Variants in RBFOX1 observed in about 807,000 individuals in gnomAD.
RBFOX1 encodes the protein RNA binding fox-1 homolog 1.
A neutral mutation model predicts 57.7 loss-of-function variants in RBFOX1; 8 were observed. The observed-to-expected ratio is 0.14, with a 90% CI of 0.08 to 0.25. RBFOX1 has a LOEUF of 0.25. Ranked by LOEUF, RBFOX1 falls within the 10% of genes least tolerant of loss-of-function variation. The probability of loss-of-function intolerance (pLI) is 1.00; values close to 1 mark genes in which losing one functional copy is unlikely to be tolerated. For missense variants in RBFOX1, 611 were observed against 548.5 expected, an observed-to-expected ratio of 1.11 and a Z score of -1.14; for synonymous variants, 326 against 222.4, an observed-to-expected ratio of 1.47 and a Z score of -4.15.
chr16:6,711,638 C>T (rs981925872), intron 3 of RBFOX1, among the ~76,000 whole-genome samples: 2 of 152,126 alleles, frequency 1.3e-5, no homozygotes, highest in Non-Finnish European at 2.9e-5. Context: ...GTAAGTTTCT[C>T]GAGGCTTCCC....
At chr16:5,627,840 C>A (rs1316872605) in intron 3 of RBFOX1, among the ~76,000 whole-genome samples, 1 of 152,158 alleles carries the variant, frequency 6.6e-6, no homozygotes, top group African/African-American at 2.4e-5. Context: ...AAATACTGCA[C>A]CATTTCATAT....
chr16:5,720,887 T>A (rs1022734278), intron 3 of RBFOX1, among the ~76,000 whole-genome samples: 2 of 152,294 alleles, frequency 1.3e-5, no homozygotes, highest in Admixed American at 1.3e-4. Flanking sequence ...TTGTTCTTAG[T>A]TTTCAAGATT....
At chr16:6,893,777 A>T (rs532602510) in intron 3 of RBFOX1, among the ~76,000 whole-genome samples, 1 of 152,204 alleles carries the variant, frequency 6.6e-6, no homozygotes, top group African/African-American at 2.4e-5. Flanking sequence ...TCATCTGGTG[A>T]GAAGTATTCT....
intron 3 of RBFOX1, among the ~76,000 whole-genome samples, chr16:7,008,513 C>T (rs1412798671): frequency 1.3e-5 from 2 of 152,058 alleles, no homozygotes; most frequent in Non-Finnish European, 2.9e-5. Flanking sequence ...GCACTCCAGC[C>T]TGGGTGACAG....
At chr16:6,483,975 G>T in intron 2 of RBFOX1, 1 of 1,022,218 alleles carries the variant, frequency 9.8e-7, no homozygotes, top group Non-Finnish European at 1.2e-6. Flanking sequence ...CTCGCCCTGG[G>T]TGCCCCGTGG....
chr16:6,317,744 G>C (rs1056460934), intron 2 of RBFOX1, among the ~76,000 whole-genome samples: 1 of 152,082 alleles, frequency 6.6e-6, no homozygotes, highest in Non-Finnish European at 1.5e-5. Flanking sequence ...ATTTGGGGTA[G>C]CACCTTCACA....
chr16:5,292,159 G>A (rs191360281), intron 1 of RBFOX1, among the ~76,000 whole-genome samples: 134 of 152,310 alleles, frequency 8.8e-4, no homozygotes, highest in African/African-American at 3.1e-3. Context: ...ATTGCTGGGA[G>A]GGAGCTAAAT....
At chr16:5,835,127 C>G (rs962638745) in intron 3 of RBFOX1, among the ~76,000 whole-genome samples, 1 of 152,140 alleles carries the variant, frequency 6.6e-6, no homozygotes, top group African/African-American at 2.4e-5. Context: ...TAGGACCCCC[C>G]CCAGAAGTAT....
intron 4 of RBFOX1, among the ~76,000 whole-genome samples, chr16:5,914,445 C>T (rs762888931): frequency 6.6e-6 from 1 of 152,138 alleles, no homozygotes; most frequent in Middle Eastern, 3.2e-3. Context: ...CTTCCAAGTT[C>T]ATTCATGTAA....
intron 1 of RBFOX1, among the ~76,000 whole-genome samples, chr16:5,385,575 C>T (rs945713700): frequency 3.3e-5 from 5 of 152,272 alleles, no homozygotes; most frequent in South Asian, 4.1e-4. Context: ...CTAGATCAGC[C>T]GCCTAATGGG....
chr16:5,258,556 C>G (rs1360712362), intron 1 of RBFOX1, among the ~76,000 whole-genome samples: 1 of 152,142 alleles, frequency 6.6e-6, no homozygotes, highest in Admixed American at 6.5e-5. Flanking sequence ...AATAAGATCT[C>G]AAGATTTAAT....
intron 1 of RBFOX1, among the ~76,000 whole-genome samples, chr16:5,420,676 G>A (rs1315451869): frequency 6.6e-6 from 1 of 152,098 alleles, no homozygotes; most frequent in African/African-American, 2.4e-5. Context: ...TGGGACTACA[G>A]GCGTGCGCCA....
At chr16:7,488,875 T>C (rs944241766) in intron 4 of RBFOX1, among the ~76,000 whole-genome samples, 1 of 152,224 alleles carries the variant, frequency 6.6e-6, no homozygotes, top group Non-Finnish European at 1.5e-5. Flanking sequence ...CCCCTACTTA[T>C]CTACTGTCAT....
chr16:6,999,426 A>T (rs1043778579), intron 3 of RBFOX1, among the ~76,000 whole-genome samples: 3 of 150,420 alleles, frequency 2.0e-5, no homozygotes, highest in East Asian at 3.9e-4. Flanking sequence ...ACTCATTCTG[A>T]TTTTTTTTAA....
intron 1 of RBFOX1, among the ~76,000 whole-genome samples, chr16:6,127,390 A>G (rs1354717172): frequency 6.6e-6 from 1 of 151,560 alleles, no homozygotes; most frequent in African/African-American, 2.4e-5. Context: ...CTCTCTGTTC[A>G]TGTGGACCTT....
intron 3 of RBFOX1, among the ~76,000 whole-genome samples, chr16:5,717,109 T>G (rs985983503): frequency 2.0e-5 from 3 of 152,180 alleles, no homozygotes; most frequent in Admixed American, 2.0e-4. Context: ...TCTGAGAAGG[T>G]CAGAGGGTCT....
chr16:6,642,154 C>T (rs1048233009), intron 2 of RBFOX1, among the ~76,000 whole-genome samples: 1 of 152,240 alleles, frequency 6.6e-6, no homozygotes, highest in East Asian at 1.9e-4. Context: ...AGAAGGCAGG[C>T]GACAAACCCA....
chr16:5,319,489 C>A (rs1272552390), intron 1 of RBFOX1, among the ~76,000 whole-genome samples: 1 of 152,136 alleles, frequency 6.6e-6, no homozygotes, highest in African/African-American at 2.4e-5. Context: ...GATGATCTTC[C>A]ATCTGGGAGT....
chr16:7,687,955 A>T (rs540008050), intron 14 of RBFOX1, among the ~76,000 whole-genome samples: 1 of 152,182 alleles, frequency 6.6e-6, no homozygotes, highest in African/African-American at 2.4e-5. Flanking sequence ...AAGATGCTCA[A>T]GTTAAATGAC....
Sources: gnomAD v4.1 joint callset for allele counts (sites outside exome capture counted in the v4.1 genomes callset) on GRCh38, gnomAD v4.1.1 for gene constraint, MANE v1.5 for transcripts, NCBI Gene and HGNC (gene_info 2026-07-23, HGNC 2026-07-21) for gene names.